The following MYZAP variants were observed in gnomAD, a reference collection of about 807,000 sequenced individuals.
MYZAP encodes myocardial zonula adherens protein.
A neutral mutation model predicts 69.4 loss-of-function variants in MYZAP; 66 were observed. The ratio of observed to expected loss-of-function variants is 0.95; its 90% confidence interval spans 0.78 to 1.17. The LOEUF (loss-of-function observed/expected upper bound fraction) is 1.17. MYZAP is among the 50% of genes most tolerant of loss of function. MYZAP has a pLI of 0.00. For synonymous variants in MYZAP, 256 were observed against 205.9 expected (o/e 1.24, Z -2.09); for missense variants, 611 against 556.2 (o/e 1.10, Z -0.99).
chr15:57,669,787 CCTT>C (rs2038781696), intron 11 of MYZAP, among the ~76,000 whole-genome samples: 1 of 152,062 alleles, frequency 6.6e-6, no homozygotes, highest in Non-Finnish European at 1.5e-5. Context: ...CTATAAATGT[CCTT>C]CTAATCTCTG....
intron 6 of MYZAP, 46 bp from the exon 7 acceptor site, chr15:57,632,388 T>A (rs2733593): frequency 0.42 from 681,909 of 1,611,860 alleles, 146,175 homozygotes; most frequent in East Asian, 0.56. Context: ...TGCCAATTCC[T>A]CTGGGCCCTG....
intron 2 of MYZAP, among the ~76,000 whole-genome samples, chr15:57,616,822 C>CTTTGTTTTTTTTTTTT (rs2035486350): frequency 2.0e-5 from 1 of 50,056 alleles, no homozygotes; most frequent in Non-Finnish European, 3.5e-5. Flanking sequence ...AAAAAAAGTG[C>CTTTGTTTTTTTTTTTT]TTTTTTTTTT....
intron 2 of MYZAP, among the ~76,000 whole-genome samples, chr15:57,612,297 G>A (rs2035154529): frequency 6.6e-6 from 1 of 152,190 alleles, no homozygotes; most frequent in South Asian, 2.1e-4. Context: ...CAGGATGTGT[G>A]ACCAGCTGCC....
At chr15:57,667,303 G>A (rs543370116) in intron 11 of MYZAP, among the ~76,000 whole-genome samples, 2 of 152,182 alleles carry the variant, frequency 1.3e-5, no homozygotes, top group Non-Finnish European at 2.9e-5. Context: ...GGGCCTGAGG[G>A]GAATGGTGGG....
rs2036094680 is a variant in MYZAP, at chr15:57,625,775, C to T, written c.412-4C>T. 6.2e-7 allele frequency: 1 copy of T among 1,613,794 alleles called. No individual in the cohort carries two copies. The highest frequency in any genetic ancestry group is 8.5e-7 in the Non-Finnish European group (1 of 1,179,904). On this transcript the variant is annotated splice_polypyrimidine_tract_variant and splice_region_variant and intron_variant, in intron 4 of 12. Transcript: ENST00000267853. The stretch of plus-strand genomic sequence containing the variant: ...TTGTGTGACTGTCTCCTCGATCTGT[C>T]CAGGTTTCCCATGCTCAGCAGGAGT...
chr15:57,621,513 G>T, intron 3 of MYZAP, 95 bp from the exon 4 acceptor site: 1 of 1,432,396 alleles, frequency 7.0e-7, no homozygotes. Context: ...CACCTGGCCG[G>T]GGTCCTTCTT....
At chr15:57,660,594 A>C (rs2038240359) in intron 10 of MYZAP, among the ~76,000 whole-genome samples, 1 of 152,198 alleles carries the variant, frequency 6.6e-6, no homozygotes, top group African/African-American at 2.4e-5. Flanking sequence ...GGATCATAGG[A>C]GTGAACTACT....
chr15:57,628,182 A>G (rs1396384653), intron 5 of MYZAP, among the ~76,000 whole-genome samples: 1 of 152,218 alleles, frequency 6.6e-6, no homozygotes, highest in Non-Finnish European at 1.5e-5. Context: ...TTCCAACGGC[A>G]CAGATTCTGT....
chr15:57,615,733 A>C (rs1001220450), intron 2 of MYZAP, among the ~76,000 whole-genome samples: 1 of 152,160 alleles, frequency 6.6e-6, no homozygotes, highest in Non-Finnish European at 1.5e-5. Context: ...CTCTGCTGCA[A>C]GCCATTTAAC....
At chr15:57,677,115 A>T (rs1285792186) in intron 12 of MYZAP, among the ~76,000 whole-genome samples, 3 of 152,208 alleles carry the variant, frequency 2.0e-5, no homozygotes, top group South Asian at 2.1e-4. Context: ...AACTCAGGGC[A>T]GTGGCCTTCC....
chr15:57,666,279 T>C (rs1184178987), intron 11 of MYZAP, among the ~76,000 whole-genome samples: 1 of 152,224 alleles, frequency 6.6e-6, no homozygotes, highest in Admixed American at 6.5e-5. Flanking sequence ...TGTTGAAATG[T>C]TGAAATCGTA....
At chr15:57,618,589 A>T (rs1457564406) in intron 3 of MYZAP, among the ~76,000 whole-genome samples, 1 of 152,200 alleles carries the variant, frequency 6.6e-6, no homozygotes. Context: ...TAGGAAGTCA[A>T]CCACAATAGA....
intron 6 of MYZAP, among the ~76,000 whole-genome samples, chr15:57,631,047 A>T (rs904993190): frequency 4.6e-5 from 7 of 152,194 alleles, no homozygotes; most frequent in African/African-American, 1.7e-4. Flanking sequence ...GGGACAGATC[A>T]TCTCCTCTGT....
intron 12 of MYZAP, 96 bp from the exon 13 acceptor site, chr15:57,684,306 C>G (rs1326744705): frequency 5.0e-6 from 4 of 796,112 alleles, no homozygotes; most frequent in South Asian, 4.4e-5. Context: ...TTTTTAAACA[C>G]TTAAACACCA....
intron 12 of MYZAP, among the ~76,000 whole-genome samples, chr15:57,676,848 T>C (rs912201147): frequency 6.6e-6 from 1 of 152,222 alleles, no homozygotes; most frequent in Non-Finnish European, 1.5e-5. Flanking sequence ...CCTTAACTTA[T>C]GGCCATGGTG....
At chr15:57,611,924 AG>A (rs1339010861) in intron 2 of MYZAP, among the ~76,000 whole-genome samples, 1 of 152,112 alleles carries the variant, frequency 6.6e-6, no homozygotes, top group African/African-American at 2.4e-5. Context: ...GATAAGCCAG[AG>A]GTTTCAGTTT....
At chr15:57,636,898 G>C (rs922505262) in intron 8 of MYZAP, among the ~76,000 whole-genome samples, 1 of 152,198 alleles carries the variant, frequency 6.6e-6, no homozygotes, top group African/African-American at 2.4e-5. Flanking sequence ...CATTCCTAGA[G>C]GTCAGAAGTG....
intron 1 of MYZAP, 82 bp downstream of exon 1, chr15:57,592,191 G>T (rs1258242650): frequency 2.5e-6 from 3 of 1,199,574 alleles, no homozygotes; most frequent in Non-Finnish European, 3.1e-6. Flanking sequence ...GGATGGGAAA[G>T]CTCGGGAGCC....
chr15:57,611,445 G>A (rs569678988), intron 2 of MYZAP, among the ~76,000 whole-genome samples: 6 of 151,944 alleles, frequency 3.9e-5, no homozygotes, highest in South Asian at 2.1e-4. Context: ...TTTTTCTCCC[G>A]TGTATTCTTC....
Sources: allele counts gnomAD v4.1 joint callset (sites outside exome capture counted in the v4.1 genomes callset), GRCh38; gene constraint gnomAD v4.1.1; transcripts MANE v1.5; gene names NCBI Gene and HGNC (gene_info 2026-07-23, HGNC 2026-07-21).